Variants in PMP22 observed in about 807,000 individuals in gnomAD.
PMP22 encodes the protein peripheral myelin protein 22, also known as Charcot-Marie-Tooth neuropathy 1A (greatly reduced nerve conduction velocity, hereditary motor sensory neuropathy Ia).
In PMP22, 2 loss-of-function variants were observed where a neutral mutation model predicts 18.9. The ratio of observed to expected loss-of-function variants is 0.11; its 90% CI spans 0.04 to 0.33. The LOEUF is 0.33. PMP22 is among the 10% of genes least tolerant of loss of function. The pLI, the probability that PMP22 is intolerant of heterozygous loss-of-function variation, is 1.00. For synonymous variants in PMP22, 95 were observed against 89.2 expected (o/e 1.07, Z -0.37); for missense variants, 169 against 202.2 (o/e 0.84, Z 1.00).
intron 3 of PMP22, 57 bp downstream of exon 3, chr17:15,259,037 G>A: frequency 1.6e-6 from 2 of 1,268,798 alleles, no homozygotes; most frequent in Non-Finnish European, 2.3e-6. Flanking sequence ...GCTCTGGGCT[G>A]AGAAACGTGT....
At chr17:15,238,244 A>G (rs1906979636) in intron 4 of PMP22, among the ~76,000 whole-genome samples, 1 of 152,200 alleles carries the variant, frequency 6.6e-6, no homozygotes. Flanking sequence ...TTGAGTGTTT[A>G]ATGAGAAGTG....
Position 15,260,636 on chromosome 17 carries a change from C to A in PMP22, c.78+14G>T, listed in dbSNP as rs1253235053. On this transcript the variant is annotated intron_variant, in intron 2 of 4. Coordinates refer to ENST00000312280, the MANE Select transcript of PMP22 (RefSeq NM_000304.4). ...GGGCGGGCCGCGCAGGGAGCCTCCC[C>A]GCCAGGCACTCACGCTGACGATCGT... 6.5e-7 allele frequency: 1 copy of A among 1,550,282 alleles called. No homozygotes were observed. The highest frequency in any genetic ancestry group is 1.2e-5 in the South Asian group (1 of 84,020).
intron 1 of PMP22, among the ~76,000 whole-genome samples, chr17:15,263,593 A>ACACG (rs1181795407): frequency 4.6e-5 from 7 of 151,698 alleles, no homozygotes; most frequent in Non-Finnish European, 7.4e-5. Context: ...GCACACACAC[A>ACACG]CACACACACA....
At chr17:15,243,444 G>A (rs2150682963) in intron 3 of PMP22, among the ~76,000 whole-genome samples, 1 of 151,764 alleles carries the variant, frequency 6.6e-6, no homozygotes, top group Middle Eastern at 3.4e-3. Context: ...AAAACAATGA[G>A]CAATGACAGA....
chr17:15,257,505 G>A (rs538220881), intron 3 of PMP22, among the ~76,000 whole-genome samples: 11 of 152,328 alleles, frequency 7.2e-5, no homozygotes, highest in South Asian at 4.1e-4. Flanking sequence ...TTCGGGCTGA[G>A]TCACTACTTG....
chr17:15,253,973 G>A (rs1391302773), intron 3 of PMP22, among the ~76,000 whole-genome samples: 2 of 152,200 alleles, frequency 1.3e-5, no homozygotes, highest in African/African-American at 2.4e-5. Context: ...TGGTACACGA[G>A]AGTTGTTCAA....
chr17:15,253,107 T>C (rs976135323), intron 3 of PMP22, among the ~76,000 whole-genome samples: 2 of 152,182 alleles, frequency 1.3e-5, no homozygotes, highest in African/African-American at 2.4e-5. Context: ...AACTCACCCA[T>C]AGGGTCTTGG....
chr17:15,258,505 T>A lies in PMP22; in HGVS notation c.178+589A>T, dbSNP rs1192722081. On this transcript the variant is annotated intron_variant, in intron 3 of 4. Coordinates refer to ENST00000312280, the MANE Select transcript of PMP22 (RefSeq NM_000304.4). This position sits in a 1 kb window ranked among gnomAD's most constrained non-coding sequence, Gnocchi z 4.1. ...AGAGGAGAAATACGATCTTCTGGAT[T>A]AAGGACCCCAAGGCTTAGCTTAGGG... Among the ~76,000 whole-genome samples the A allele has an allele frequency of 1.3e-5, 2 of 152,128 alleles. No individual in the cohort carries two copies. Among genetic ancestry groups the A allele is most frequent in the Non-Finnish European group, 2.9e-5 (2 of 68,030 alleles).
intron 2 of PMP22, 147 bp from the exon 3 acceptor site, chr17:15,259,340 A>G: frequency 1.4e-6 from 1 of 707,950 alleles, no homozygotes. Context: ...CCAACGTTTT[A>G]TGACTTAAAA....
Position 15,263,906 on chromosome 17 carries a change from C to T in PMP22, c.-35+1248G>A, listed in dbSNP as rs1400336675. Among the ~76,000 whole-genome samples, 3 of 152,150 alleles carry T rather than the reference C, an allele frequency of 2.0e-5. No homozygotes were observed. The East Asian group carries it at 5.8e-4, about 29-fold the overall frequency. ...GGCAGTATGGTGCAGTGGTTAGGCACTCTGGCTCTGGGCTCCAACAAACCT... is the reference window on the plus strand; with the variant it reads ...GGCAGTATGGTGCAGTGGTTAGGCATTCTGGCTCTGGGCTCCAACAAACCT... On this transcript the variant is annotated intron_variant, in intron 1 of 4. Transcript: ENST00000312280.
intron 4 of PMP22, among the ~76,000 whole-genome samples, chr17:15,238,651 G>A (rs755757734): frequency 3.1e-4 from 47 of 152,048 alleles, no homozygotes; most frequent in Admixed American, 7.9e-4. Context: ...AAGATGCTAG[G>A]CAGAATGCAA....
chr17:15,263,421 G>A (rs1597639536), intron 1 of PMP22, among the ~76,000 whole-genome samples: 1 of 152,136 alleles, frequency 6.6e-6, no homozygotes, highest in African/African-American at 2.4e-5. Context: ...GGCCCGCCCA[G>A]CGTTACAGGG....
intron 4 of PMP22, chr17:15,239,215 C>T (rs1483118506): frequency 8.2e-6 from 5 of 609,818 alleles, no homozygotes; most frequent in African/African-American, 3.7e-5. Flanking sequence ...TGGGGACCTT[C>T]CTTCCAGATC....
At chr17:15,255,202 CA>C in intron 3 of PMP22, among the ~76,000 whole-genome samples, 1 of 152,200 alleles carries the variant, frequency 6.6e-6, no homozygotes, top group South Asian at 2.1e-4. Flanking sequence ...AGGGGATGGT[CA>C]AACCCTCAAG....
At chr17:15,246,456 G>A (rs1368335306) in intron 3 of PMP22, among the ~76,000 whole-genome samples, 1 of 152,194 alleles carries the variant, frequency 6.6e-6, no homozygotes, top group African/African-American at 2.4e-5. Flanking sequence ...AGAAAATAAT[G>A]ATTCGAGTTC....
chr17:15,254,030 G>A (rs1023604415), intron 3 of PMP22, among the ~76,000 whole-genome samples: 3 of 152,170 alleles, frequency 2.0e-5, no homozygotes, highest in African/African-American at 7.2e-5. Flanking sequence ...AGAGACTCCC[G>A]AAGTGGGAAG....
At chr17:15,254,761 C>T (rs192969326) in intron 3 of PMP22, among the ~76,000 whole-genome samples, 2 of 152,028 alleles carry the variant, frequency 1.3e-5, no homozygotes, top group Non-Finnish European at 2.9e-5. Context: ...AGTTCGAGAC[C>T]AGCCTGACCA....
In PMP22 at chr17:15,260,640, A is replaced by C. The variant is rs1197403748; in HGVS notation, c.78+10T>G. On this transcript the variant is annotated intron_variant, in intron 2 of 4. Coordinates refer to ENST00000312280, the MANE Select transcript of PMP22 (RefSeq NM_000304.4). ...GGGCCGCGCAGGGAGCCTCCCCGCCAGGCACTCACGCTGACGATCGTGGAG... is the reference window on the plus strand; with the variant it reads ...GGGCCGCGCAGGGAGCCTCCCCGCCCGGCACTCACGCTGACGATCGTGGAG... 6.4e-7 allele frequency: 1 copy of C among 1,550,916 alleles called. No homozygotes were observed. Among genetic ancestry groups the C allele is most frequent in the Admixed American group, 2.0e-5 (1 of 51,014 alleles).
intron 3 of PMP22, among the ~76,000 whole-genome samples, chr17:15,252,400 TGCTGCTGCTGC>T (rs1385903877): frequency 5.9e-5 from 1 of 16,902 alleles, no homozygotes; most frequent in East Asian, 1.2e-3. Flanking sequence ...TTGCTGTTGC[TGCTGCTGCTGC>T]TGCTGCTGCT....
Sources: gnomAD v4.1 joint callset for allele counts (sites outside exome capture counted in the v4.1 genomes callset) on GRCh38, gnomAD v4.1.1 for gene constraint, Gnocchi (gnomAD v3.1) non-coding constraint, MANE v1.5 for transcripts, NCBI Gene and HGNC (gene_info 2026-07-23, HGNC 2026-07-21) for gene names.